Variants in LAMA3 observed in about 807,000 individuals in gnomAD.
LAMA3 encodes laminin subunit alpha-3.
LAMA3 carries 281 observed loss-of-function variants against 402.0 expected under a neutral mutation model. The observed-to-expected ratio is 0.70, with a 90% CI of 0.63 to 0.77. The LOEUF (loss-of-function observed/expected upper bound fraction) is 0.77. LAMA3 is among the 30% of genes least tolerant of loss of function. The pLI is 0.00. For missense variants in LAMA3, 3,840 were observed against 4,215.5 expected (o/e 0.91, Z 2.47); for synonymous variants, 1,431 against 1,558.4 (o/e 0.92, Z 1.93).
At chr18:23,757,749 C>A (rs1207702392) in intron 6 of LAMA3, among the ~76,000 whole-genome samples, 1 of 152,192 alleles carries the variant, frequency 6.6e-6, no homozygotes, top group Non-Finnish European at 1.5e-5. Context: ...GAGTTCCAAC[C>A]CAAAGCCAAG....
Position 23,951,787 on chromosome 18 carries a change from C to G in LAMA3, c.9736+10C>G, listed in dbSNP as rs753801158. ...TGGCACTCGGTGGCAGGTATGTTGT[C>G]CAGTAGCTGATTGTTCATGCACTAA... On this transcript the variant is annotated intron_variant, in intron 73 of 74. Coordinates refer to ENST00000313654, the MANE Select transcript of LAMA3 (RefSeq NM_198129.4). 5 of 1,600,574 alleles carry G rather than the reference C, an allele frequency of 3.1e-6. No individual in the cohort carries two copies. Among genetic ancestry groups the G allele is most frequent in the Non-Finnish European group, 4.3e-6 (5 of 1,168,104 alleles).
chr18:23,790,637 G>A (rs2062631472), intron 12 of LAMA3, among the ~76,000 whole-genome samples: 1 of 152,174 alleles, frequency 6.6e-6, no homozygotes, highest in Non-Finnish European at 1.5e-5. Context: ...GTTATAACCT[G>A]AAGTCATAGA....
intron 12 of LAMA3, among the ~76,000 whole-genome samples, chr18:23,801,715 T>C (rs1370477327): frequency 6.6e-6 from 1 of 152,246 alleles, no homozygotes; most frequent in Non-Finnish European, 1.5e-5. Flanking sequence ...TTGCTATTTT[T>C]GGTCTTTTTG....
At chr18:23,904,737 A>T (rs1486377237) in intron 51 of LAMA3, 43 bp downstream of exon 51, 4 of 1,603,718 alleles carry the variant, frequency 2.5e-6, no homozygotes, top group Admixed American at 1.7e-5. Flanking sequence ...CGCTGTGGAG[A>T]TGGCTGATTT....
chr18:23,741,122 T>G (rs968704882), intron 2 of LAMA3, among the ~76,000 whole-genome samples: 4 of 151,712 alleles, frequency 2.6e-5, no homozygotes, highest in Admixed American at 1.3e-4. Flanking sequence ...CCTGGCTAAT[T>G]TTTTTTTGTA....
In LAMA3 at chr18:23,899,394, G is replaced by T. The variant is rs141778665; in HGVS notation, c.5943G>T (p.Arg1981=). The change falls in exon 47 of 75, where the codon CGG becomes CGT. Residue 1981 remains arginine, a synonymous_variant. Coordinates refer to ENST00000313654, the MANE Select transcript of LAMA3 (RefSeq NM_198129.4). ...AEAQRMMREL[R]NRNFGKHLRE... ...CCCAGCGCATGATGAGGGAACTGCG[G>T]AACAGGAACTTTGGAAAGCACCTCA... 11 of 1,614,148 alleles carry T rather than the reference G, an allele frequency of 6.8e-6. No homozygotes were observed. The Admixed American group carries it at 1.3e-4, about 20-fold the overall frequency.
chr18:23,861,562 T>C, intron 34 of LAMA3, 84 bp from the exon 35 acceptor site: 2 of 1,507,502 alleles, frequency 1.3e-6, no homozygotes, highest in Non-Finnish European at 1.8e-6. Context: ...CCCGTGGAGC[T>C]TTCTGTAGTA....
intron 25 of LAMA3, among the ~76,000 whole-genome samples, chr18:23,837,915 G>A (rs935568898): frequency 1.4e-4 from 21 of 152,070 alleles, no homozygotes; most frequent in African/African-American, 4.8e-4. Flanking sequence ...CTGGAATTCA[G>A]TTTTTAAAAA....
Position 23,730,356 on chromosome 18 carries a change from T to G in LAMA3, c.447+16284T>G, listed in dbSNP as rs556928713. On this transcript the variant is annotated intron_variant, in intron 2 of 74. Coordinates refer to ENST00000313654, the MANE Select transcript of LAMA3 (RefSeq NM_198129.4). ...CCTCAATCTCCTCCCCAGTCTTTTT[T>G]TCTTTTTCTTTCTTTTTTTTTTTTT... Among the ~76,000 whole-genome samples the G allele has an allele frequency of 6.3e-4, 92 of 145,356 alleles. 1 individual carries two copies. In the East Asian group the frequency reaches 6.8e-3, roughly 11 times the overall value.
At chr18:23,848,725 G>T (rs923590041) in intron 32 of LAMA3, among the ~76,000 whole-genome samples, 1 of 152,132 alleles carries the variant, frequency 6.6e-6, no homozygotes, top group Non-Finnish European at 1.5e-5. Context: ...TGCCATTAAC[G>T]AATGCCACAA....
intron 55 of LAMA3, among the ~76,000 whole-genome samples, chr18:23,909,723 C>G (rs1017340690): frequency 2.0e-5 from 3 of 152,224 alleles, no homozygotes. Flanking sequence ...CAGCAGTTTT[C>G]CATCATTGGA....
intron 1 of LAMA3, among the ~76,000 whole-genome samples, chr18:23,693,092 C>G (rs1043313388): frequency 1.3e-5 from 2 of 152,084 alleles, no homozygotes; most frequent in South Asian, 4.2e-4. Flanking sequence ...GCCTGTAATC[C>G]CAGCACTTTG....
intron 9 of LAMA3, 148 bp downstream of exon 9, chr18:23,773,735 A>G (rs752566997): frequency 4.5e-6 from 3 of 664,656 alleles, no homozygotes; most frequent in Non-Finnish European, 5.5e-6. Flanking sequence ...TCAGTCACTT[A>G]CACAGTCTCT....
In LAMA3 at chr18:23,695,859, G is replaced by T. The variant is rs2060677933; in HGVS notation, c.294+5882G>T. 2.8e-5 allele frequency among the ~76,000 whole-genome samples: 4 copies of T among 140,730 alleles called. No individual in the cohort carries two copies. In the Admixed American group the frequency reaches 3.0e-4, roughly 10 times the overall value. The allele number at this position is 140,730 out of a possible 152,430, so 92.3% of individuals were successfully genotyped here. ...AAAGAAATATGTGCACTTCTTTATG[G>T]CAGTAAGCTGTGTTGTGTGTGTCTT... On this transcript the variant is annotated intron_variant, in intron 1 of 74. Transcript: ENST00000313654.
At chr18:23,690,651 G>A (rs900503386) in intron 1 of LAMA3, among the ~76,000 whole-genome samples, 1 of 152,098 alleles carries the variant, frequency 6.6e-6, no homozygotes, top group African/African-American at 2.4e-5. Flanking sequence ...ACAGGTCTCA[G>A]CCAGGCAAGA....
rs558477543 is a variant in LAMA3, at chr18:23,799,181, CT to C, written c.1604-11178del. Among the ~76,000 whole-genome samples, 861 of 152,124 alleles carry C rather than the reference CT, an allele frequency of 5.7e-3. 3 individuals carry two copies. The highest frequency in any genetic ancestry group is 8.6e-3 in the Non-Finnish European group (586 of 67,988). ...ACCTTTGTGATCATTATTTCAAAGA[CT>C]TTTTTTGGTGATCCTTATTTTGTAT... On this transcript the variant is annotated intron_variant, in intron 12 of 74. Transcript: ENST00000313654.
At position 23,846,339 on chromosome 18, in the gene LAMA3, C is replaced by T; in HGVS notation, c.3762C>T (p.Ser1254=). Residue 1254 remains serine, a synonymous_variant, in exon 31 of 75, where the codon TCC becomes TCT. Coordinates refer to ENST00000313654, the MANE Select transcript of LAMA3 (RefSeq NM_198129.4). ...GATTCTGTAAGAATTCCGCCAGGTC[C>T]CTGGTGGCCTTTTACCACAAGGGCG... is the stretch of plus-strand genomic sequence containing the variant. The part of the protein sequence containing the change: ...ASRFCKNSAR[S]LVAFYHKGAL... The T allele has an allele frequency of 6.2e-7, 1 of 1,614,246 alleles. No homozygotes were observed. The highest frequency in any genetic ancestry group is 8.5e-7 in the Non-Finnish European group (1 of 1,180,038).
intron 55 of LAMA3, among the ~76,000 whole-genome samples, chr18:23,911,557 G>T (rs1340573237): frequency 6.6e-6 from 1 of 151,348 alleles, no homozygotes; most frequent in Non-Finnish European, 1.5e-5. Flanking sequence ...ATTTAAATTT[G>T]AATATGTTTT....
At chr18:23,714,713 G>C (rs1193277519) in intron 2 of LAMA3, among the ~76,000 whole-genome samples, 2 of 152,038 alleles carry the variant, frequency 1.3e-5, no homozygotes, top group Admixed American at 6.6e-5. Context: ...TAAGTATATG[G>C]TTCAGTGGCA....
Sources: allele counts gnomAD v4.1 joint callset (sites outside exome capture counted in the v4.1 genomes callset), GRCh38; gene constraint gnomAD v4.1.1; transcripts MANE v1.5; gene names NCBI Gene and HGNC (gene_info 2026-07-23, HGNC 2026-07-21).